The following ADSS2 variants were observed in gnomAD, a reference collection of about 807,000 sequenced individuals.
ADSS2 encodes adenylosuccinate synthetase isozyme 2.
Under a neutral mutation model 60.0 loss-of-function variants are expected in ADSS2, and 30 were observed. The observed-to-expected ratio is 0.50, with a 90% CI of 0.37 to 0.68. The LOEUF (loss-of-function observed/expected upper bound fraction) is 0.68. Ranked by LOEUF, ADSS2 falls within the 30% of genes least tolerant of loss-of-function variation. The pLI, the probability that ADSS2 is intolerant of heterozygous loss-of-function variation, is 0.00. For missense variants in ADSS2, 373 were observed against 554.8 expected (o/e 0.67, Z 3.29); for synonymous variants, 187 against 193.1 (o/e 0.97, Z 0.26).
intron 4 of ADSS2, among the ~76,000 whole-genome samples, chr1:244,425,309 A>G (rs917005663): frequency 6.6e-6 from 1 of 152,228 alleles, no homozygotes; most frequent in Non-Finnish European, 1.5e-5. Flanking sequence ...TATAATTTAT[A>G]CACCACAAAA....
intron 1 of ADSS2, among the ~76,000 whole-genome samples, chr1:244,441,349 C>T (rs1015966712): frequency 4.6e-5 from 7 of 152,126 alleles, no homozygotes; most frequent in African/African-American, 1.2e-4. Context: ...TGAGCCACTG[C>T]GCCCGGCCAA....
At chr1:244,432,320 A>G (rs1405112324) in intron 4 of ADSS2, among the ~76,000 whole-genome samples, 1 of 152,236 alleles carries the variant, frequency 6.6e-6, no homozygotes, top group East Asian at 1.9e-4. Context: ...TGCTTGTATT[A>G]TAAATTTGCT....
At chr1:244,450,073 A>G (rs1665496435) in intron 1 of ADSS2, among the ~76,000 whole-genome samples, 1 of 152,222 alleles carries the variant, frequency 6.6e-6, no homozygotes, top group Admixed American at 6.5e-5. Context: ...AGATGTCAAG[A>G]TGTCAGTGAA....
chr1:244,417,826 G>C, intron 9 of ADSS2, 74 bp from the exon 10 acceptor site: 2 of 1,396,064 alleles, frequency 1.4e-6, no homozygotes, highest in Non-Finnish European at 2.0e-6. Context: ...ATATGCTAGA[G>C]ATCATAGCAA....
At chr1:244,417,560 C>T in intron 10 of ADSS2, 68 bp downstream of exon 10, 1 of 1,565,432 alleles carries the variant, frequency 6.4e-7, no homozygotes, top group Non-Finnish European at 8.7e-7. Context: ...AGGTACTCCA[C>T]AAAATTAAAC....
At chr1:244,426,195 G>A (rs1270510619) in intron 4 of ADSS2, among the ~76,000 whole-genome samples, 5 of 152,132 alleles carry the variant, frequency 3.3e-5, no homozygotes, top group Admixed American at 1.3e-4. Flanking sequence ...TGACAAGACT[G>A]AGATCTTAGA....
At chr1:244,437,546 A>T in intron 2 of ADSS2, 120 bp downstream of exon 2, 1 of 732,280 alleles carries the variant, frequency 1.4e-6, no homozygotes. Flanking sequence ...GGTCAAAATT[A>T]ATAAGAGATC....
rs147173394 is a variant in ADSS2, at chr1:244,445,406, T to A, written c.183+6229A>T. On this transcript the variant is annotated intron_variant, in intron 1 of 12. Coordinates refer to ENST00000366535, the MANE Select transcript of ADSS2 (RefSeq NM_001126.5). The stretch of plus-strand genomic sequence containing the variant: ...AATACTTTAAAGCATTACTGCAGGA[T>A]AGAGGAATGATATAATAGTATTTAG... Among the ~76,000 whole-genome samples the A allele has an allele frequency of 2.2e-4, 34 of 152,356 alleles. No individual in the cohort carries two copies. The East Asian group carries it at 6.2e-3, about 28-fold the overall frequency.
rs1324113246 is a variant in ADSS2, at chr1:244,414,904, G to C, written c.1168+1077C>G. Among the ~76,000 whole-genome samples the C allele has an allele frequency of 5.9e-5, 9 of 152,304 alleles. No individual in the cohort carries two copies. The East Asian group carries it at 1.5e-3, about 26-fold the overall frequency. On this transcript the variant is annotated intron_variant, in intron 11 of 12. Transcript: ENST00000366535. Reference sequence around the variant, plus strand: ...CTCTAAAGGGCCACCCTAGCTCTGTGGCTCCCAATGGGATTGGCTGCACTG... The same window carrying C: ...CTCTAAAGGGCCACCCTAGCTCTGTCGCTCCCAATGGGATTGGCTGCACTG...
chr1:244,415,078 A>C (rs1664497495), intron 11 of ADSS2, among the ~76,000 whole-genome samples: 1 of 152,220 alleles, frequency 6.6e-6, no homozygotes, highest in African/African-American at 2.4e-5. Flanking sequence ...TGAAATGGAC[A>C]AGTTTTATGT....
chr1:244,448,883 G>C (rs867027724), intron 1 of ADSS2, among the ~76,000 whole-genome samples: 9 of 152,062 alleles, frequency 5.9e-5, no homozygotes, highest in Non-Finnish European at 1.3e-4. Context: ...CACAATCCCT[G>C]CCTTTTTCAG....
rs191368192 is a variant in ADSS2 at position 244,429,916 on chromosome 1, T to C, written c.406+2629A>G. On this transcript the variant is annotated intron_variant, in intron 4 of 12. Transcript: ENST00000366535. ...ATAAAATAAAATAAAATAAAAAATA[T>C]GTTTCTTATAAGACTTTTTAAGGGC... Among the ~76,000 whole-genome samples, 9 of 152,002 alleles carry C rather than the reference T, an allele frequency of 5.9e-5. No homozygotes were observed. The East Asian group carries it at 1.4e-3, about 23-fold the overall frequency.
chr1:244,437,232 T>C (rs1017428459), intron 2 of ADSS2, among the ~76,000 whole-genome samples: 6 of 152,116 alleles, frequency 3.9e-5, no homozygotes, highest in Non-Finnish European at 7.4e-5. Context: ...ATCAATTTAG[T>C]AGGTTGTGAT....
At chr1:244,437,981 T>C (rs189796935) in intron 1 of ADSS2, among the ~76,000 whole-genome samples, 4 of 152,238 alleles carry the variant, frequency 2.6e-5, no homozygotes, top group Admixed American at 1.3e-4. Flanking sequence ...TGAAAGAATA[T>C]AGAAATTGGG....
chr1:244,435,720 T>C (rs981945171), intron 3 of ADSS2, among the ~76,000 whole-genome samples: 2 of 152,240 alleles, frequency 1.3e-5, no homozygotes, highest in Admixed American at 6.5e-5. Context: ...ACTCTGAATT[T>C]ATATGCTACT....
intron 1 of ADSS2, among the ~76,000 whole-genome samples, chr1:244,442,062 C>T (rs1201249741): frequency 1.3e-5 from 2 of 152,110 alleles, no homozygotes; most frequent in East Asian, 1.9e-4. Flanking sequence ...CTAATTTACA[C>T]AAAATTACTT....
At chr1:244,427,194 T>C (rs1298411069) in intron 4 of ADSS2, among the ~76,000 whole-genome samples, 2 of 152,120 alleles carry the variant, frequency 1.3e-5, no homozygotes, top group East Asian at 1.9e-4. Flanking sequence ...TATACTAATG[T>C]AAAGAACTGG....
chr1:244,443,945 C>T (rs1665315554), intron 1 of ADSS2, among the ~76,000 whole-genome samples: 1 of 152,122 alleles, frequency 6.6e-6, no homozygotes, highest in African/African-American at 2.4e-5. Flanking sequence ...ATTTTTAAAC[C>T]ATTTTACTTC....
In ADSS2 at chr1:244,415,978, T is replaced by C; in HGVS notation, c.1168+3A>G. 6.3e-7 allele frequency: 1 copy of C among 1,597,168 alleles called. No homozygotes were observed. The highest frequency in any genetic ancestry group is 8.6e-7 in the Non-Finnish European group (1 of 1,165,572). On this transcript the variant is annotated splice_donor_region_variant and intron_variant, in intron 11 of 12. Coordinates refer to ENST00000366535, the MANE Select transcript of ADSS2 (RefSeq NM_001126.5). ...CCTTTAGATATTGCCTAAAAGAAAA[T>C]ACCTGGGATATGAGGTATGATTTCA...
Sources: allele counts gnomAD v4.1 joint callset (sites outside exome capture counted in the v4.1 genomes callset), GRCh38; gene constraint gnomAD v4.1.1; transcripts MANE v1.5; gene names NCBI Gene and HGNC (gene_info 2026-07-23, HGNC 2026-07-21).